The following KCNH1 variants were observed in gnomAD, a reference collection of about 807,000 sequenced individuals.
The protein encoded by KCNH1 is voltage-gated delayed rectifier potassium channel KCNH1.
In KCNH1, 27 loss-of-function variants were observed where a neutral mutation model predicts 69.2. The ratio of observed to expected loss-of-function variants is 0.39; its 90% confidence interval spans 0.29 to 0.54. KCNH1 has a LOEUF of 0.54. Among genes scored for constraint, KCNH1 ranks in the 20% least tolerant of loss-of-function variants. The probability of loss-of-function intolerance (pLI) is 0.68; values close to 1 mark genes in which losing one functional copy is unlikely to be tolerated. For missense variants in KCNH1, 798 were observed against 1,261.6 expected, an observed-to-expected ratio of 0.63 and a Z score of 5.57; for synonymous variants, 456 against 487.7, an observed-to-expected ratio of 0.93 and a Z score of 0.86.
intron 7 of KCNH1, among the ~76,000 whole-genome samples, chr1:210,876,863 G>A (rs1686386807): frequency 6.6e-6 from 1 of 152,020 alleles, no homozygotes; most frequent in Admixed American, 6.6e-5. Flanking sequence ...TAAGTGCATG[G>A]TCAAATGCAG....
At chr1:210,991,779 A>T (rs958136179) in intron 6 of KCNH1, among the ~76,000 whole-genome samples, 1 of 152,204 alleles carries the variant, frequency 6.6e-6, no homozygotes, top group Non-Finnish European at 1.5e-5. Flanking sequence ...GTAAGATTTA[A>T]ATTGTTTTTA....
chr1:210,942,671 G>C (rs1028791281), intron 6 of KCNH1, among the ~76,000 whole-genome samples: 1 of 152,000 alleles, frequency 6.6e-6, no homozygotes, highest in Admixed American at 6.5e-5. Flanking sequence ...CTAAACAGCT[G>C]TGTAACTTCA....
At chr1:210,776,248 C>T (rs1340425918) in intron 9 of KCNH1, among the ~76,000 whole-genome samples, 1 of 152,148 alleles carries the variant, frequency 6.6e-6, no homozygotes, top group East Asian at 1.9e-4. Flanking sequence ...CTCTCCCATA[C>T]CTCCTTCCAG....
intron 6 of KCNH1, among the ~76,000 whole-genome samples, chr1:210,943,523 AT>A (rs796243599): frequency 1.6e-4 from 24 of 147,006 alleles, no homozygotes; most frequent in Admixed American, 2.7e-4. Flanking sequence ...TAATTTTTGT[AT>A]TTTTTTTTTA....
At chr1:210,922,474 C>T (rs1386181469) in intron 6 of KCNH1, among the ~76,000 whole-genome samples, 1 of 149,080 alleles carries the variant, frequency 6.7e-6, no homozygotes, top group African/African-American at 2.5e-5. Flanking sequence ...ATTTCTTGTC[C>T]AATATATACC....
chr1:210,724,282 A>G (rs1477851921), intron 10 of KCNH1, among the ~76,000 whole-genome samples: 1 of 152,144 alleles, frequency 6.6e-6, no homozygotes, highest in African/African-American at 2.4e-5. Flanking sequence ...TTAAATCAGA[A>G]TGTCTGATGT....
At chr1:211,093,828 G>C (rs377643615) in intron 3 of KCNH1, among the ~76,000 whole-genome samples, 18 of 152,122 alleles carry the variant, frequency 1.2e-4, no homozygotes, top group African/African-American at 4.1e-4. Context: ...TGGGAGACGA[G>C]AGCTGGATAT....
chr1:211,132,095 A>G (rs1691887138), intron 1 of KCNH1, among the ~76,000 whole-genome samples: 1 of 152,180 alleles, frequency 6.6e-6, no homozygotes, highest in Non-Finnish European at 1.5e-5. Context: ...CCTCCACTCA[A>G]AAACATACAC....
At chr1:211,093,672 G>C (rs1339296410) in intron 3 of KCNH1, among the ~76,000 whole-genome samples, 4 of 152,156 alleles carry the variant, frequency 2.6e-5, no homozygotes, top group Non-Finnish European at 4.4e-5. Flanking sequence ...ATACAATCAG[G>C]ACATACTGCC....
chr1:210,733,527 T>C (rs937900327), intron 10 of KCNH1, among the ~76,000 whole-genome samples: 1 of 152,250 alleles, frequency 6.6e-6, no homozygotes, highest in Admixed American at 6.5e-5. Flanking sequence ...TTAACATTTA[T>C]GTTTTCATCT....
chr1:211,086,534 A>G (rs915827400), intron 4 of KCNH1, among the ~76,000 whole-genome samples: 5 of 152,162 alleles, frequency 3.3e-5, no homozygotes, highest in African/African-American at 1.2e-4. Context: ...GCAGAAGAGG[A>G]AGAGTATAGA....
intron 7 of KCNH1, among the ~76,000 whole-genome samples, chr1:210,868,983 C>T (rs1337476907): frequency 6.6e-6 from 1 of 152,010 alleles, no homozygotes; most frequent in Admixed American, 6.6e-5. Flanking sequence ...CTTTTGTTTG[C>T]CTGAAAAAGT....
At chr1:210,861,778 A>G in intron 7 of KCNH1, 2 of 771,846 alleles carry the variant, frequency 2.6e-6, no homozygotes, top group South Asian at 2.7e-5. Flanking sequence ...CATTGCTGCT[A>G]CCAATGGACT....
At chr1:210,835,184 T>G (rs1402160208) in intron 7 of KCNH1, among the ~76,000 whole-genome samples, 1 of 152,206 alleles carries the variant, frequency 6.6e-6, no homozygotes, top group Non-Finnish European at 1.5e-5. Flanking sequence ...AATGGCTACA[T>G]GCTCACAGGT....
intron 10 of KCNH1, among the ~76,000 whole-genome samples, chr1:210,743,249 G>A (rs1220330367): frequency 6.6e-6 from 1 of 152,126 alleles, no homozygotes; most frequent in African/African-American, 2.4e-5. Context: ...TTGCTCAGAG[G>A]CTACTAAGTG....
At chr1:210,852,562 C>G (rs955234980) in intron 7 of KCNH1, among the ~76,000 whole-genome samples, 1 of 152,094 alleles carries the variant, frequency 6.6e-6, no homozygotes, top group Non-Finnish European at 1.5e-5. Context: ...TTAAAGAGCC[C>G]CTTGTCCTTT....
At chr1:210,713,359 G>T (rs1436918169) in intron 10 of KCNH1, among the ~76,000 whole-genome samples, 1 of 152,170 alleles carries the variant, frequency 6.6e-6, no homozygotes, top group Non-Finnish European at 1.5e-5. Context: ...TTCCCAAAGA[G>T]ACCAAGTGTC....
chr1:211,102,161 G>A (rs1423556227), intron 3 of KCNH1, among the ~76,000 whole-genome samples: 1 of 152,174 alleles, frequency 6.6e-6, no homozygotes, highest in Non-Finnish European at 1.5e-5. Context: ...GCTAGGAAAA[G>A]GCAGATTGCC....
chr1:210,780,316 A>ATGCTC (rs1446103239), intron 9 of KCNH1, among the ~76,000 whole-genome samples: 1 of 152,176 alleles, frequency 6.6e-6, no homozygotes, highest in Non-Finnish European at 1.5e-5. Context: ...TTCCTATTAT[A>ATGCTC]TGCTCTTTTA....
Sources: allele counts gnomAD v4.1 joint callset (sites outside exome capture counted in the v4.1 genomes callset), GRCh38; gene constraint gnomAD v4.1.1; transcripts MANE v1.5; gene names NCBI Gene and HGNC (gene_info 2026-07-23, HGNC 2026-07-21).